The following CDK14 variants were observed in gnomAD, a reference collection of about 807,000 sequenced individuals.
The protein encoded by CDK14 is cyclin dependent kinase 14.
CDK14 carries 34 observed loss-of-function variants against 60.7 expected under a neutral mutation model. The observed-to-expected ratio is 0.56, with a 90% CI of 0.43 to 0.75. The LOEUF (loss-of-function observed/expected upper bound fraction) is 0.75. CDK14 is among the 30% of genes least tolerant of loss of function. The probability of loss-of-function intolerance (pLI) is 0.00; values close to 1 mark genes in which losing one functional copy is unlikely to be tolerated. For synonymous variants in CDK14, 197 were observed against 203.7 expected, an observed-to-expected ratio of 0.97 and a Z score of 0.28; for missense variants, 482 against 564.1, an observed-to-expected ratio of 0.85 and a Z score of 1.47.
chr7:90,720,162 G>C (rs1802393481), intron 2 of CDK14, among the ~76,000 whole-genome samples: 1 of 152,196 alleles, frequency 6.6e-6, no homozygotes, highest in Admixed American at 6.5e-5. Context: ...TGACATTAAA[G>C]TATCACAAAA....
intron 5 of CDK14, among the ~76,000 whole-genome samples, chr7:90,830,469 C>T (rs2117108723): frequency 6.6e-6 from 1 of 152,330 alleles, no homozygotes; most frequent in African/African-American, 2.4e-5. Context: ...ATTTTTCCCT[C>T]CTAGGCTTCT....
intron 10 of CDK14, among the ~76,000 whole-genome samples, chr7:91,036,277 T>TG (rs759140070): frequency 1.3e-4 from 20 of 152,198 alleles, no homozygotes; most frequent in Non-Finnish European, 2.2e-4. Flanking sequence ...CTCAGGTTCT[T>TG]GCTGGCTGTT....
intron 11 of CDK14, 61 bp from the exon 12 acceptor site, chr7:91,079,371 C>G (rs1167515165): frequency 8.6e-7 from 1 of 1,156,862 alleles, no homozygotes; most frequent in Non-Finnish European, 1.3e-6. Flanking sequence ...GTTTTTTCAA[C>G]ATACTTGTAA....
At chr7:90,865,273 T>C (rs1791139615) in intron 6 of CDK14, among the ~76,000 whole-genome samples, 1 of 152,176 alleles carries the variant, frequency 6.6e-6, no homozygotes, top group Non-Finnish European at 1.5e-5. Context: ...TTAGGGATAG[T>C]CTTCTCATTT....
chr7:91,091,128 G>T (rs369960044), intron 12 of CDK14, among the ~76,000 whole-genome samples: 2 of 151,324 alleles, frequency 1.3e-5, no homozygotes, highest in Non-Finnish European at 1.5e-5. Context: ...AGGTGTGGTG[G>T]CTTAAGCCTG....
rs747439482 is a variant in CDK14 at position 90,874,503 on chromosome 7, CTTTTTTTTTTTTTTTTT to C, written c.639+11254_639+11270del. Among the ~76,000 whole-genome samples the C allele has an allele frequency of 2.2e-3, 104 of 48,008 alleles. 1 individual carries two copies. The East Asian group carries it at 0.029, about 13-fold the overall frequency. 31.5% of individuals were successfully genotyped at this position (48,008 alleles called of 152,430 possible). Reference sequence around the variant, plus strand: ...ATCTGGAATCTCATGTCCTTTCATCCTTTTTTTTTTTTTTTTTTTTTTTTTTTTTTTTTTTTGAGACG... The same window carrying C: ...ATCTGGAATCTCATGTCCTTTCATCCTTTTTTTTTTTTTTTTTTTGAGACG... On this transcript the variant is annotated intron_variant, in intron 6 of 14. Transcript: ENST00000380050.
intron 14 of CDK14, among the ~76,000 whole-genome samples, chr7:91,153,631 C>T (rs1026206764): frequency 1.3e-5 from 2 of 151,970 alleles, no homozygotes; most frequent in Non-Finnish European, 2.9e-5. Flanking sequence ...AATGCAGGAA[C>T]GGAAAATCAA....
rs144896152 is a variant in CDK14, at chr7:91,188,534, A to C, written c.*29-18631A>C. On this transcript the variant is annotated intron_variant, in intron 14 of 14. Coordinates refer to ENST00000380050, the MANE Select transcript of CDK14 (RefSeq NM_001287135.2). ...TAGAAACTCAGGGCCAAAGTGTAGT[A>C]TATGTGTAGATGGATGGATGGATGG... 3.8e-3 allele frequency among the ~76,000 whole-genome samples: 573 copies of C among 152,272 alleles called. 4 individuals are homozygous for C. Among genetic ancestry groups the C allele is most frequent in the African/African-American group, 0.013 (544 of 41,556 alleles).
intron 2 of CDK14, among the ~76,000 whole-genome samples, chr7:90,655,389 G>A (rs1800730466): frequency 6.6e-6 from 1 of 151,892 alleles, no homozygotes; most frequent in Non-Finnish European, 1.5e-5. Flanking sequence ...TGTGAAGTTC[G>A]AGATGGTCTA....
intron 10 of CDK14, among the ~76,000 whole-genome samples, chr7:91,001,453 G>T (rs998404139): frequency 6.6e-6 from 1 of 152,170 alleles, no homozygotes; most frequent in Non-Finnish European, 1.5e-5. Flanking sequence ...CAAATGAAGA[G>T]ATTTTATCCA....
At chr7:90,607,737 G>A (rs1199759936) in intron 2 of CDK14, among the ~76,000 whole-genome samples, 1 of 151,244 alleles carries the variant, frequency 6.6e-6, no homozygotes, top group East Asian at 1.9e-4. Context: ...TGCTGAAGGC[G>A]GTCATAGTTG....
intron 14 of CDK14, among the ~76,000 whole-genome samples, chr7:91,167,251 G>GTTCTGTACTAAGTCATCAGTGTGA: frequency 3.3e-5 from 5 of 152,084 alleles, no homozygotes; most frequent in African/African-American, 1.2e-4. Context: ...TTTTCTTCAT[G>GTTCTGTACTAAGTCATCAGTGTGA]GACTTGTTTC....
intron 14 of CDK14, among the ~76,000 whole-genome samples, chr7:91,186,902 G>A (rs927443392): frequency 2.6e-5 from 4 of 152,166 alleles, no homozygotes; most frequent in Admixed American, 2.0e-4. Context: ...ATATGGACAT[G>A]AAATGTTATA....
chr7:90,683,559 G>T (rs1002549749), intron 2 of CDK14, among the ~76,000 whole-genome samples: 5 of 152,228 alleles, frequency 3.3e-5, no homozygotes, highest in Admixed American at 3.3e-4. Flanking sequence ...CCAGCACTTT[G>T]GGAGGCCAAG....
At chr7:91,021,619 A>G (rs1796436751) in intron 10 of CDK14, among the ~76,000 whole-genome samples, 1 of 152,188 alleles carries the variant, frequency 6.6e-6, no homozygotes, top group Admixed American at 6.5e-5. Flanking sequence ...AAATTAACCT[A>G]AATAGATTTT....
intron 2 of CDK14, among the ~76,000 whole-genome samples, chr7:90,692,146 C>T (rs1051851287): frequency 1.3e-5 from 2 of 152,174 alleles, no homozygotes; most frequent in Admixed American, 6.5e-5. Flanking sequence ...TTTAAAGATA[C>T]ATTTGATTGC....
chr7:90,958,654 AG>A (rs1794506105), intron 9 of CDK14, among the ~76,000 whole-genome samples: 1 of 152,134 alleles, frequency 6.6e-6, no homozygotes, highest in African/African-American at 2.4e-5. Context: ...TCAGGATATT[AG>A]TTACTTTCTC....
At chr7:90,913,100 C>T (rs912546587) in intron 7 of CDK14, among the ~76,000 whole-genome samples, 11 of 152,178 alleles carry the variant, frequency 7.2e-5, no homozygotes, top group Admixed American at 2.0e-4. Flanking sequence ...TTCTTGTTCT[C>T]ACAGGGTCTT....
At chr7:91,096,647 CT>C (rs1225145854) in intron 12 of CDK14, among the ~76,000 whole-genome samples, 1 of 152,098 alleles carries the variant, frequency 6.6e-6, no homozygotes, top group Admixed American at 6.5e-5. Flanking sequence ...GACACCAGCT[CT>C]TTTTTCCCTA....
Sources: gnomAD v4.1 joint callset for allele counts (sites outside exome capture counted in the v4.1 genomes callset) on GRCh38, gnomAD v4.1.1 for gene constraint, MANE v1.5 for transcripts, NCBI Gene and HGNC (gene_info 2026-07-23, HGNC 2026-07-21) for gene names.